Variants in CHL1 observed in about 807,000 individuals in gnomAD.
CHL1 encodes neural cell adhesion molecule L1-like protein.
Under a neutral mutation model 141.9 loss-of-function variants are expected in CHL1, and 96 were observed. The observed-to-expected ratio is 0.68, with a 90% CI of 0.57 to 0.80. The LOEUF (loss-of-function observed/expected upper bound fraction) is 0.80. Ranked by LOEUF, CHL1 falls within the 30% of genes least tolerant of loss-of-function variation. The pLI, the probability that CHL1 is intolerant of heterozygous loss-of-function variation, is 0.00. For synonymous variants in CHL1, 613 were observed against 502.2 expected, an observed-to-expected ratio of 1.22 and a Z score of -2.95; for missense variants, 1,820 against 1,457.2, an observed-to-expected ratio of 1.25 and a Z score of -4.05.
chr3:301,067 A>T (rs1464248440), intron 2 of CHL1, among the ~76,000 whole-genome samples: 1 of 152,190 alleles, frequency 6.6e-6, no homozygotes, highest in Admixed American at 6.6e-5. Context: ...GAGTAATGAC[A>T]TGCCATTGAA....
chr3:367,086 GA>G (rs1334641274), intron 15 of CHL1, among the ~76,000 whole-genome samples: 1 of 152,198 alleles, frequency 6.6e-6, no homozygotes, highest in East Asian at 1.9e-4. Context: ...AGGAAAGTGT[GA>G]ATGGATGCTT....
At chr3:228,726 A>G (rs942221987) in intron 1 of CHL1, among the ~76,000 whole-genome samples, 3 of 152,192 alleles carry the variant, frequency 2.0e-5, no homozygotes, top group East Asian at 1.9e-4. Context: ...TATCAACTCC[A>G]TGAGGGAGAT....
At position 383,823 on chromosome 3, in the gene CHL1, T is replaced by C. The variant is rs752203340; in HGVS notation, c.2184T>C (p.Asp728=). The C allele has an allele frequency of 3.1e-6, 5 of 1,609,570 alleles. No individual in the cohort carries two copies. In the Admixed American group the frequency reaches 6.7e-5, roughly 21 times the overall value. ...ATGTTTTTAATTTTTCAGCTCCAGA[T>C]AGGAATCCACAAAACATAAGGGTTC... ...DHHETPPAAP[D]RNPQNIRVQA... The change falls in exon 19 of 28, where the codon GAT becomes GAC. Residue 728 remains aspartate (D), a synonymous_variant. Coordinates refer to ENST00000256509, the MANE Select transcript of CHL1 (RefSeq NM_006614.4).
intron 11 of CHL1, among the ~76,000 whole-genome samples, chr3:355,102 A>G (rs1483265523): frequency 1.3e-5 from 2 of 152,218 alleles, no homozygotes; most frequent in East Asian, 3.8e-4. Context: ...GAGAAGAAAC[A>G]GAACAGTAGC....
chr3:404,105 G>A (rs1709349978), intron 27 of CHL1, among the ~76,000 whole-genome samples: 1 of 152,174 alleles, frequency 6.6e-6, no homozygotes, highest in African/African-American at 2.4e-5. Context: ...AATCACTTAG[G>A]AGCACTGGCT....
chr3:377,950 C>T lies in CHL1; in HGVS notation c.1876+8C>T, dbSNP rs761551296. The T allele has an allele frequency of 1.4e-5, 23 of 1,593,824 alleles. No homozygotes were observed. The highest frequency in any genetic ancestry group is 1.9e-5 in the Non-Finnish European group (22 of 1,172,088). The stretch of plus-strand genomic sequence containing the variant: ...CTCAAGTAACTGTTCTTGGTAAGTG[C>T]ACTAACTAATGAGAAATCTGTTCAT... On this transcript the variant is annotated splice_region_variant and intron_variant, in intron 16 of 27. Transcript: ENST00000256509.
Position 290,284 on chromosome 3 carries a change from G to A in CHL1, c.-94-29399G>A, listed in dbSNP as rs147691413. Among the ~76,000 whole-genome samples, 36 of 152,294 alleles carry A rather than the reference G, an allele frequency of 2.4e-4. No homozygotes were observed. In the East Asian group the frequency reaches 3.9e-3, roughly 16 times the overall value. On this transcript the variant is annotated intron_variant, in intron 2 of 27. Transcript: ENST00000256509. ...TTTGTTCAACCTCAGCTGGCAACAT[G>A]TGTAGGGGGTAACTCAAATTTTGTG... is the stretch of plus-strand genomic sequence containing the variant.
At chr3:340,770 C>G in intron 5 of CHL1, 24 bp from the exon 6 acceptor site, 1 of 1,569,810 alleles carries the variant, frequency 6.4e-7, no homozygotes. Context: ...TAAAATAACA[C>G]ATTAAAATGA....
intron 2 of CHL1, among the ~76,000 whole-genome samples, chr3:312,341 T>C (rs1559237321): frequency 6.6e-6 from 1 of 152,202 alleles, no homozygotes; most frequent in African/African-American, 2.4e-5. Flanking sequence ...TTATGAGACA[T>C]GAAAGAGTGT....
At position 382,614 on chromosome 3, in the gene CHL1, G is replaced by C. The variant is rs771423332; in HGVS notation, c.2119G>C (p.Glu707Gln). The C allele has an allele frequency of 1.2e-6, 2 of 1,613,826 alleles. No homozygotes were observed. Among genetic ancestry groups the C allele is most frequent in the Non-Finnish European group, 1.7e-6 (2 of 1,179,856 alleles). Residue 707 changes from glutamate (E) to glutamine (Q), a missense_variant, in exon 18 of 28, where the codon GAA becomes CAA. Glu to Gln is a conservative substitution (Grantham distance 29). Transcript: ENST00000256509. ...RYQFRVIAVN[E>Q]VGRSQPSQPS... ...CCAGTTCAGGGTCATAGCCGTGAAC[G>C]AAGTAGGGAGAAGTCAGCCTAGCCA...
rs535471709 is a variant in CHL1 at position 379,337 on chromosome 3, C to T, written c.1876+1395C>T. 7.4e-4 allele frequency among the ~76,000 whole-genome samples: 113 copies of T among 152,182 alleles called. 2 individuals carry two copies. The Middle Eastern group carries it at 0.01, about 14-fold the overall frequency. ...AGAAGGTATGGACTTGTAGAGTTGT[C>T]GAGTCGGCTCAGTAGAATTGTACCT... On this transcript the variant is annotated intron_variant, in intron 16 of 27. Transcript: ENST00000256509.
In CHL1 at chr3:391,732, T is replaced by C; in HGVS notation, c.2849T>C (p.Leu950Ser). 6.2e-7 allele frequency: 1 copy of C among 1,605,130 alleles called. No individual in the cohort carries two copies. Among genetic ancestry groups the C allele is most frequent in the Non-Finnish European group, 8.5e-7 (1 of 1,173,458 alleles). The change falls in exon 23 of 28, where the codon TTA becomes TCA. Residue 950 changes from leucine (L) to serine (S), a missense_variant. Physicochemically the swap from Leu to Ser is moderately radical, Grantham distance 145. Transcript: ENST00000256509. ...AAAGTTGATAAAGACACTGCCACTTTATCTTGGGGACTACCTAAGAAATTA... is the reference window on the plus strand; with the variant it reads ...AAAGTTGATAAAGACACTGCCACTTCATCTTGGGGACTACCTAAGAAATTA... ...VIKVDKDTAT[L>S]SWGLPKKLNG...
At chr3:295,631 G>C (rs957647769) in intron 2 of CHL1, among the ~76,000 whole-genome samples, 6 of 152,074 alleles carry the variant, frequency 3.9e-5, no homozygotes, top group African/African-American at 1.2e-4. Context: ...AGGAAAGTTA[G>C]CACCACTCTA....
intron 5 of CHL1, among the ~76,000 whole-genome samples, chr3:330,962 T>G (rs1035291054): frequency 9.9e-5 from 15 of 152,122 alleles, no homozygotes; most frequent in Non-Finnish European, 1.8e-4. Flanking sequence ...GATCTCTCTC[T>G]CTCTCTCTCC....
intron 3 of CHL1, among the ~76,000 whole-genome samples, chr3:323,449 G>A (rs933042982): frequency 6.6e-6 from 1 of 152,028 alleles, no homozygotes; most frequent in African/African-American, 2.4e-5. Flanking sequence ...GCTCCATGAT[G>A]TTACAAAATC....
intron 2 of CHL1, among the ~76,000 whole-genome samples, chr3:294,476 C>T (rs1240827696): frequency 1.4e-4 from 21 of 152,158 alleles, no homozygotes; most frequent in African/African-American, 5.1e-4. Flanking sequence ...GCTCAGATTA[C>T]GTTGACTGTG....
intron 9 of CHL1, among the ~76,000 whole-genome samples, chr3:348,927 C>T (rs1211308808): frequency 6.6e-6 from 1 of 152,216 alleles, no homozygotes; most frequent in East Asian, 1.9e-4. Flanking sequence ...ACTGTTAAGT[C>T]CCACTTTACT....
intron 1 of CHL1, among the ~76,000 whole-genome samples, chr3:219,196 A>T (rs918445698): frequency 6.6e-6 from 1 of 151,964 alleles, no homozygotes; most frequent in East Asian, 1.9e-4. Context: ...TTGTGTGGAG[A>T]AAAAGGAAGA....
intron 20 of CHL1, 79 bp downstream of exon 20, chr3:389,553 T>C: frequency 8.9e-7 from 1 of 1,122,400 alleles, no homozygotes; most frequent in African/African-American, 1.5e-5. Context: ...CAACAAATAT[T>C]TGTGAACAAC....
Sources: gnomAD v4.1 joint callset for allele counts (sites outside exome capture counted in the v4.1 genomes callset) on GRCh38, gnomAD v4.1.1 for gene constraint, MANE v1.5 for transcripts, NCBI Gene and HGNC (gene_info 2026-07-23, HGNC 2026-07-21) for gene names.